Variants in CDC5L observed in about 807,000 individuals in gnomAD.
CDC5L encodes the protein cell division cycle 5 like.
In CDC5L, 18 loss-of-function variants were observed where a neutral mutation model predicts 104.1. That is an observed-to-expected ratio of 0.17 (90% confidence interval 0.12 to 0.26). The LOEUF is 0.26. Ranked by LOEUF, CDC5L falls within the 10% of genes least tolerant of loss-of-function variation. The pLI is 1.00. For missense variants in CDC5L, 673 were observed against 956.9 expected (o/e 0.70, Z 3.91); for synonymous variants, 331 against 322.7 (o/e 1.03, Z -0.28).
Position 44,433,506 on chromosome 6 carries a change from T to C in CDC5L, c.2091+3596T>C, listed in dbSNP as rs182383538. Among the ~76,000 whole-genome samples, 17 of 152,302 alleles carry C rather than the reference T, an allele frequency of 1.1e-4. No homozygotes were observed. In the East Asian group the frequency reaches 3.3e-3, roughly 29 times the overall value. On this transcript the variant is annotated intron_variant, in intron 14 of 15. Coordinates refer to ENST00000371477, the MANE Select transcript of CDC5L (RefSeq NM_001253.4). ...GCATGCCGTTAAATTTAATAGTATTTGAAATAGTATCTAAACTGCTGTGTT... is the reference window on the plus strand; with the variant it reads ...GCATGCCGTTAAATTTAATAGTATTCGAAATAGTATCTAAACTGCTGTGTT...
At chr6:44,397,700 G>C (rs1024004732) in intron 5 of CDC5L, among the ~76,000 whole-genome samples, 3 of 152,212 alleles carry the variant, frequency 2.0e-5, no homozygotes, top group African/African-American at 7.2e-5. Flanking sequence ...CACTGGCTGT[G>C]AAACAGGAAA....
chr6:44,440,242 C>CTTTT (rs770556481), intron 14 of CDC5L, among the ~76,000 whole-genome samples: 1 of 138,892 alleles, frequency 7.2e-6, no homozygotes, highest in African/African-American at 2.6e-5. Context: ...TTGACTTAGA[C>CTTTT]TTTTTTTTTT....
chr6:44,425,367 A>G (rs1290687771), intron 11 of CDC5L, among the ~76,000 whole-genome samples: 1 of 152,204 alleles, frequency 6.6e-6, no homozygotes, highest in Non-Finnish European at 1.5e-5. Context: ...AGATATTTCT[A>G]GTAAGGAATA....
intron 8 of CDC5L, among the ~76,000 whole-genome samples, chr6:44,414,954 T>G (rs928012777): frequency 2.0e-5 from 3 of 152,230 alleles, no homozygotes; most frequent in Non-Finnish European, 4.4e-5. Context: ...TAGTTTTTTA[T>G]GTACTGTTAG....
intron 14 of CDC5L, among the ~76,000 whole-genome samples, chr6:44,441,112 T>C (rs1437889872): frequency 2.6e-5 from 4 of 152,240 alleles, no homozygotes; most frequent in Admixed American, 2.0e-4. Context: ...TGAAACTTTG[T>C]ACCTTTGACC....
intron 5 of CDC5L, among the ~76,000 whole-genome samples, chr6:44,398,302 T>A (rs552615949): frequency 4.6e-5 from 7 of 152,304 alleles, no homozygotes; most frequent in African/African-American, 1.7e-4. Flanking sequence ...CACTTTTCCA[T>A]TTTTATCCAT....
intron 5 of CDC5L, among the ~76,000 whole-genome samples, chr6:44,397,674 A>G (rs1408374996): frequency 6.6e-6 from 1 of 152,194 alleles, no homozygotes; most frequent in Non-Finnish European, 1.5e-5. Context: ...ACTTTCCTTG[A>G]TTGGTATTGG....
chr6:44,400,164 A>G (rs1791055178), intron 5 of CDC5L, among the ~76,000 whole-genome samples: 1 of 152,150 alleles, frequency 6.6e-6, no homozygotes, highest in Non-Finnish European at 1.5e-5. Context: ...CTTGGAACAT[A>G]ATGGCTACTT....
chr6:44,445,953 T>C, intron 15 of CDC5L, 86 bp downstream of exon 15: 1 of 1,040,400 alleles, frequency 9.6e-7, no homozygotes, highest in Non-Finnish European at 1.5e-6. Context: ...CTATGTAGAC[T>C]GTCTCTGAAG....
chr6:44,413,870 C>G (rs530743290), intron 8 of CDC5L, among the ~76,000 whole-genome samples: 1 of 152,190 alleles, frequency 6.6e-6, no homozygotes, highest in Non-Finnish European at 1.5e-5. Context: ...CAGGCATCAG[C>G]CACCGTGCCT....
At chr6:44,390,686 A>G (rs1790547985) in intron 2 of CDC5L, among the ~76,000 whole-genome samples, 1 of 152,188 alleles carries the variant, frequency 6.6e-6, no homozygotes, top group Admixed American at 6.5e-5. Flanking sequence ...GAAGCATACA[A>G]AGTCTACTTT....
chr6:44,444,475 G>A (rs553305964), intron 14 of CDC5L, among the ~76,000 whole-genome samples: 55 of 152,306 alleles, frequency 3.6e-4, no homozygotes, highest in African/African-American at 1.3e-3. Flanking sequence ...TCAGTGGGAT[G>A]TGCTGGGGGA....
chr6:44,444,853 C>A (rs1793374072), intron 14 of CDC5L, among the ~76,000 whole-genome samples: 1 of 151,980 alleles, frequency 6.6e-6, no homozygotes, highest in South Asian at 2.1e-4. Context: ...CAGACTCCTT[C>A]TAGGAGGAAT....
chr6:44,429,432 G>C (rs745987121), intron 13 of CDC5L, among the ~76,000 whole-genome samples: 31 of 152,178 alleles, frequency 2.0e-4, no homozygotes, highest in Non-Finnish European at 3.7e-4. Context: ...ACACACAATA[G>C]GTACCTGAGA....
At chr6:44,394,068 TTC>T (rs1049334187) in intron 4 of CDC5L, among the ~76,000 whole-genome samples, 7 of 152,192 alleles carry the variant, frequency 4.6e-5, no homozygotes, top group Non-Finnish European at 7.3e-5. Flanking sequence ...CCCCTTCATC[TTC>T]TGTTTCTTCA....
At chr6:44,397,658 T>C (rs1334809941) in intron 5 of CDC5L, among the ~76,000 whole-genome samples, 5 of 152,216 alleles carry the variant, frequency 3.3e-5, no homozygotes, top group Non-Finnish European at 5.9e-5. Context: ...TGACTGCCAA[T>C]TAGTTACTTT....
intron 5 of CDC5L, among the ~76,000 whole-genome samples, chr6:44,402,146 T>G (rs1791159567): frequency 6.9e-6 from 1 of 144,562 alleles, no homozygotes; most frequent in South Asian, 2.4e-4. Context: ...GCAGCATGAT[T>G]TATAGTCCTT....
chr6:44,446,568 GT>G (rs749337874), intron 15 of CDC5L, 38 bp from the exon 16 acceptor site: 1 of 970,054 alleles, frequency 1.0e-6, no homozygotes, highest in Non-Finnish European at 1.5e-6. Flanking sequence ...TTTCAGTATA[GT>G]TACATCTAAA....
intron 14 of CDC5L, among the ~76,000 whole-genome samples, chr6:44,434,423 T>C (rs1792831051): frequency 6.6e-6 from 1 of 152,186 alleles, no homozygotes; most frequent in Admixed American, 6.5e-5. Context: ...GGTTCACTGA[T>C]AAAAATGCTG....
Sources: gnomAD v4.1 joint callset for allele counts (sites outside exome capture counted in the v4.1 genomes callset) on GRCh38, gnomAD v4.1.1 for gene constraint, MANE v1.5 for transcripts, NCBI Gene and HGNC (gene_info 2026-07-23, HGNC 2026-07-21) for gene names.